The following RAD1 variants were observed in gnomAD, a reference collection of about 807,000 sequenced individuals.
The protein encoded by RAD1 is RAD1 checkpoint DNA exonuclease.
RAD1 carries 21 observed loss-of-function variants against 30.0 expected under a neutral mutation model. The ratio of observed to expected loss-of-function variants is 0.70; its 90% confidence interval spans 0.50 to 1.01. RAD1 has a LOEUF of 1.01. Among genes scored for constraint, RAD1 ranks in the 50% least tolerant of loss-of-function variants. RAD1 has a pLI of 0.00. For synonymous variants in RAD1, 109 were observed against 113.6 expected (o/e 0.96, Z 0.26); for missense variants, 329 against 329.0 (o/e 1.00, Z 0.00).
chr5:34,908,968 A>G lies in RAD1; in HGVS notation c.666-20T>C. On this transcript the variant is annotated intron_variant, in intron 5 of 5. Transcript: ENST00000382038. ...TTGTATCTGTAGAAGAAAAAATAAA[A>G]CGCTGTTATATCAACACAGTGAACA... 6.3e-7 allele frequency: 1 copy of G among 1,583,060 alleles called. No homozygotes were observed. Among genetic ancestry groups the G allele is most frequent in the Non-Finnish European group, 8.6e-7 (1 of 1,163,876 alleles).
At chr5:34,910,432 CTT>C (rs566311796) in intron 4 of RAD1, among the ~76,000 whole-genome samples, 6 of 143,768 alleles carry the variant, frequency 4.2e-5, no homozygotes, top group Non-Finnish European at 3.1e-5. Context: ...TTTTTCTTTT[CTT>C]TTTTTTTTTT....
At position 34,908,776 on chromosome 5, in the gene RAD1, A is replaced by T. The variant is rs1451667979; in HGVS notation, c.838T>A (p.Ser280Thr). The T allele has an allele frequency of 1.2e-6, 2 of 1,601,678 alleles. No individual in the cohort carries two copies. The highest frequency in any genetic ancestry group is 1.7e-6 in the Non-Finnish European group (2 of 1,176,150). Residue 280 changes from serine to threonine, a missense_variant, in exon 6 of 6, where the codon TCT becomes ACT. Ser to Thr is a moderately conservative substitution (Grantham distance 58). Coordinates refer to ENST00000382038, the MANE Select transcript of RAD1 (RefSeq NM_002853.4). The stretch of plus-strand genomic sequence containing the variant: ...GTGAATTGTCATACTCAAGACTCAG[A>T]TTCAGGAACTTCTTCATCAGGGCAG... The part of the protein sequence containing the change: ...YCCPDEEVPE[S>T]ES
chr5:34,913,307 A>G (rs1021908655), intron 3 of RAD1, among the ~76,000 whole-genome samples, 163 bp downstream of exon 3: 1 of 152,216 alleles, frequency 6.6e-6, no homozygotes, highest in South Asian at 2.1e-4. Flanking sequence ...TTATAAACAC[A>G]CTTGCAATTA....
chr5:34,907,433 C>T lies in RAD1; in HGVS notation c.*1332G>A, dbSNP rs1763688117. On this transcript the variant is annotated 3_prime_UTR_variant, in exon 6 of 6. Transcript: ENST00000382038. ...AATAGTGACTGTCCATGGAGGGACACTCAGCTGTTGTCACCTGGTACAGTA... is the reference window on the plus strand; with the variant it reads ...AATAGTGACTGTCCATGGAGGGACATTCAGCTGTTGTCACCTGGTACAGTA... The T allele has an allele frequency of 6.6e-6, 1 of 152,198 alleles. No homozygotes were observed. Among genetic ancestry groups the T allele is most frequent in the Admixed American group, 6.5e-5 (1 of 15,278 alleles). The allele number at this position is 152,198 out of a possible 1,614,324, so 9.4% of individuals were successfully genotyped here.
chr5:34,912,557 T>C (rs893626709), intron 3 of RAD1, among the ~76,000 whole-genome samples: 9 of 152,208 alleles, frequency 5.9e-5, no homozygotes, highest in African/African-American at 2.2e-4. Context: ...TGGAGAACTA[T>C]ATTGAATTTT....
At chr5:34,909,662 C>T (rs753632550) in intron 4 of RAD1, among the ~76,000 whole-genome samples, 1 of 152,038 alleles carries the variant, frequency 6.6e-6, no homozygotes, top group Non-Finnish European at 1.5e-5. Context: ...ATATAACAGG[C>T]GAGAGAATTG....
At chr5:34,908,987 G>T (rs1287303582) in intron 5 of RAD1, 39 bp from the exon 6 acceptor site, 5 of 1,513,134 alleles carry the variant, frequency 3.3e-6, no homozygotes, top group African/African-American at 1.4e-5. Flanking sequence ...TATCAACACA[G>T]TGAACACTGC....
At position 34,908,651 on chromosome 5, in the gene RAD1, C is replaced by A. The variant is rs1763727112; in HGVS notation, c.*114G>T. On this transcript the variant is annotated 3_prime_UTR_variant, in exon 6 of 6. Coordinates refer to ENST00000382038, the MANE Select transcript of RAD1 (RefSeq NM_002853.4). ...TACATGACCTTGCTCCTATCTTCCC[C>A]ATTGTGCTTCTTCTCTATAGAAAAT... is the stretch of plus-strand genomic sequence containing the variant. 1.4e-5 allele frequency: 13 copies of A among 944,510 alleles called. No homozygotes were observed. Among genetic ancestry groups the A allele is most frequent in the Non-Finnish European group, 1.9e-5 (12 of 632,216 alleles). 58.5% of individuals were successfully genotyped at this position (944,510 alleles called of 1,614,324 possible). A position where few individuals can be genotyped will look rare whatever the true frequency, so the allele number is the denominator to read the frequency against.
chr5:34,914,175 C>A (rs1011054110), intron 2 of RAD1: 6 of 310,560 alleles, frequency 1.9e-5, no homozygotes, highest in South Asian at 2.7e-5. Context: ...TCTATTACAA[C>A]CAGTAAAGGA....
chr5:34,914,007 T>C (rs2111953633), intron 2 of RAD1: 1 of 456,748 alleles, frequency 2.2e-6, no homozygotes, highest in Non-Finnish European at 4.4e-6. Context: ...AATACAGGTG[T>C]GAGCCACCAT....
chr5:34,915,275 C>T (rs1035527696), intron 1 of RAD1, 141 bp downstream of exon 1: 31 of 281,572 alleles, frequency 1.1e-4, no homozygotes, highest in African/African-American at 6.7e-4. Context: ...CCAGCCCCGC[C>T]TCCAACAAAA....
intron 3 of RAD1, among the ~76,000 whole-genome samples, chr5:34,913,234 C>T (rs1373771983): frequency 1.3e-5 from 2 of 151,972 alleles, no homozygotes; most frequent in Non-Finnish European, 2.9e-5. Context: ...TTCGAATTTA[C>T]AATCCCTCAA....
chr5:34,911,506 A>C lies in RAD1; in HGVS notation c.566+48T>G, dbSNP rs373506756. Reference sequence around the variant, plus strand: ...ATCCTAAGCAAATGTCTAAGTGGGAAGATGGAGTACAGACCACATTAACTA... The same window carrying C: ...ATCCTAAGCAAATGTCTAAGTGGGACGATGGAGTACAGACCACATTAACTA... On this transcript the variant is annotated intron_variant, in intron 4 of 5. Transcript: ENST00000382038. The C allele has an allele frequency of 7.2e-4, 1,136 of 1,573,148 alleles. 1 individual carries two copies. Among genetic ancestry groups the C allele is most frequent in the Non-Finnish European group, 9.3e-4 (1,083 of 1,160,046 alleles).
In RAD1 at chr5:34,908,590, AC is replaced by A; in HGVS notation, c.*174del. On this transcript the variant is annotated 3_prime_UTR_variant, in exon 6 of 6. Transcript: ENST00000382038. ...GAAAACATTTATTTACATGCCCTCT[AC>A]AAAATGGATTTACAAAACATAGTAA... is the stretch of plus-strand genomic sequence containing the variant. The A allele has an allele frequency of 1.8e-6, 1 of 551,170 alleles. No individual in the cohort carries two copies. The highest frequency in any genetic ancestry group is 3.2e-6 in the Non-Finnish European group (1 of 312,956). 34.1% of individuals were successfully genotyped at this position (551,170 alleles called of 1,614,324 possible).
chr5:34,909,032 A>G, intron 5 of RAD1, 84 bp from the exon 6 acceptor site: 2 of 1,267,252 alleles, frequency 1.6e-6, no homozygotes, highest in Non-Finnish European at 2.2e-6. Context: ...AAAGTAGCAA[A>G]TCTAAGAATA....
intron 2 of RAD1, 153 bp downstream of exon 2, chr5:34,914,542 C>A: frequency 1.3e-6 from 1 of 741,592 alleles, no homozygotes. Flanking sequence ...TGTTCTCTAA[C>A]TTAAGACTAT....
chr5:34,909,258 C>T lies in RAD1; in HGVS notation c.665G>A (p.Arg222Lys), dbSNP rs775180055. 3 of 1,593,828 alleles carry T rather than the reference C, an allele frequency of 1.9e-6. No individual in the cohort carries two copies. Among genetic ancestry groups the T allele is most frequent in the Non-Finnish European group, 1.7e-6 (2 of 1,163,070 alleles). ...GACAACCTCTATATTAAGAACTGAC[C>T]TGTTGACTTGGGTCTGATTACAATG... is the stretch of plus-strand genomic sequence containing the variant. ...AFHCNQTQVN[R>K]YKISLLKPST... The change falls in exon 5 of 6, where the codon AGA (arginine) becomes AAA (lysine). Residue 222 changes from arginine (R) to lysine (K), a missense_variant and splice_region_variant. Arg to Lys is a conservative substitution (Grantham distance 26, BLOSUM62 2). Coordinates refer to ENST00000382038, the MANE Select transcript of RAD1 (RefSeq NM_002853.4).
At chr5:34,909,681 T>C (rs1249513262) in intron 4 of RAD1, among the ~76,000 whole-genome samples, 2 of 152,214 alleles carry the variant, frequency 1.3e-5, no homozygotes, top group East Asian at 3.8e-4. Flanking sequence ...TGAGGACTCA[T>C]GGAAGACCTT....
intron 1 of RAD1, 46 bp downstream of exon 1, chr5:34,915,370 C>A: frequency 4.0e-6 from 1 of 247,306 alleles, no homozygotes; most frequent in South Asian, 6.7e-5. Context: ...GCCCGCGGGA[C>A]AGCATCGCTT....
Sources: allele counts gnomAD v4.1 joint callset (sites outside exome capture counted in the v4.1 genomes callset), GRCh38; gene constraint gnomAD v4.1.1; transcripts MANE v1.5; gene names NCBI Gene and HGNC (gene_info 2026-07-23, HGNC 2026-07-21).